The following PRTG variants were observed in gnomAD, a reference collection of about 807,000 sequenced individuals.
The protein encoded by PRTG is protogenin.
In PRTG, 67 loss-of-function variants were observed where a neutral mutation model predicts 122.5. The observed-to-expected ratio is 0.55, with a 90% confidence interval of 0.45 to 0.67. PRTG has a LOEUF of 0.67. PRTG is among the 30% of genes least tolerant of loss of function. PRTG has a pLI of 0.00. For missense variants in PRTG, 1,435 were observed against 1,415.4 expected, an observed-to-expected ratio of 1.01 and a Z score of -0.22; for synonymous variants, 554 against 501.1, an observed-to-expected ratio of 1.11 and a Z score of -1.41.
chr15:55,637,762 A>T (rs903456936), intron 14 of PRTG, among the ~76,000 whole-genome samples: 1 of 152,128 alleles, frequency 6.6e-6, no homozygotes, highest in African/African-American at 2.4e-5. Context: ...CCTGACATTA[A>T]AACATTTAGT....
At chr15:55,668,935 C>A (rs1054731227) in intron 11 of PRTG, among the ~76,000 whole-genome samples, 1 of 152,018 alleles carries the variant, frequency 6.6e-6, no homozygotes, top group Non-Finnish European at 1.5e-5. Context: ...TTGGAAAAAT[C>A]GTCAATTTAA....
At chr15:55,651,856 C>T (rs1191687390) in intron 11 of PRTG, among the ~76,000 whole-genome samples, 1 of 152,106 alleles carries the variant, frequency 6.6e-6, no homozygotes, top group African/African-American at 2.4e-5. Flanking sequence ...GACTCCACCT[C>T]CAACACTATT....
intron 16 of PRTG, among the ~76,000 whole-genome samples, chr15:55,627,631 C>T (rs1462204814): frequency 2.0e-5 from 3 of 151,920 alleles, no homozygotes; most frequent in South Asian, 2.1e-4. Flanking sequence ...TGAGCCACCA[C>T]GCCCGGCCCA....
intron 19 of PRTG, among the ~76,000 whole-genome samples, 163 bp downstream of exon 19, chr15:55,620,500 C>G (rs1003471251): frequency 2.6e-5 from 4 of 152,208 alleles, no homozygotes; most frequent in East Asian, 1.9e-4. Flanking sequence ...CTTCTGTTAT[C>G]ATTCACCTCG....
intron 2 of PRTG, among the ~76,000 whole-genome samples, chr15:55,691,329 T>G (rs1285524161): frequency 1.3e-5 from 2 of 148,946 alleles, no homozygotes; most frequent in Non-Finnish European, 3.0e-5. Flanking sequence ...CAGGTTCTAC[T>G]CCTAAGCAAT....
intron 11 of PRTG, among the ~76,000 whole-genome samples, chr15:55,652,108 G>T (rs1425867721): frequency 6.6e-6 from 1 of 152,120 alleles, no homozygotes; most frequent in African/African-American, 2.4e-5. Flanking sequence ...ACTTTAAATT[G>T]TTTACTTAAA....
At chr15:55,724,702 G>A (rs2030961264) in intron 2 of PRTG, among the ~76,000 whole-genome samples, 1 of 152,070 alleles carries the variant, frequency 6.6e-6, no homozygotes, top group South Asian at 2.1e-4. Flanking sequence ...AGGTTGCGGT[G>A]AGCCAAGATC....
chr15:55,677,094 GA>G (rs1352422907), intron 8 of PRTG, among the ~76,000 whole-genome samples: 1 of 152,070 alleles, frequency 6.6e-6, no homozygotes, highest in Non-Finnish European at 1.5e-5. Flanking sequence ...GAAAAAGCAA[GA>G]GAGAAATTTC....
intron 2 of PRTG, among the ~76,000 whole-genome samples, chr15:55,696,266 A>T (rs1463758049): frequency 6.6e-6 from 1 of 152,198 alleles, no homozygotes; most frequent in African/African-American, 2.4e-5. Context: ...GTTTCTTAAA[A>T]AAAGAACACG....
chr15:55,730,110 CT>C (rs1217117206), intron 2 of PRTG, among the ~76,000 whole-genome samples: 5 of 151,420 alleles, frequency 3.3e-5, no homozygotes, highest in African/African-American at 1.2e-4. Flanking sequence ...AGCGTTGTTA[CT>C]TTTTTTTTGA....
chr15:55,721,127 C>A (rs1409601932), intron 2 of PRTG, among the ~76,000 whole-genome samples: 1 of 152,224 alleles, frequency 6.6e-6, no homozygotes, highest in Non-Finnish European at 1.5e-5. Flanking sequence ...TTTTCCCTCT[C>A]CCTGATTCCC....
At chr15:55,682,857 C>T (rs527714104) in intron 3 of PRTG, among the ~76,000 whole-genome samples, 17 of 152,214 alleles carry the variant, frequency 1.1e-4, no homozygotes, top group East Asian at 1.9e-4. Context: ...GCCACCGTGC[C>T]GGGCTTAGAC....
At chr15:55,673,245 G>T (rs922429813) in intron 10 of PRTG, 126 bp downstream of exon 10, 3 of 724,184 alleles carry the variant, frequency 4.1e-6, no homozygotes, top group Non-Finnish European at 6.6e-6. Flanking sequence ...TTTCAATTAA[G>T]TCCATCATCT....
chr15:55,702,710 T>C (rs2029937796), intron 2 of PRTG, among the ~76,000 whole-genome samples: 1 of 152,224 alleles, frequency 6.6e-6, no homozygotes, highest in Admixed American at 6.5e-5. Context: ...CCTATTCCTA[T>C]TCTTCTACCT....
chr15:55,735,754 G>GA (rs1424533425), intron 2 of PRTG, among the ~76,000 whole-genome samples: 2 of 134,198 alleles, frequency 1.5e-5, no homozygotes, highest in African/African-American at 5.6e-5. Flanking sequence ...CACCAACTTT[G>GA]AAAAAAAGTG....
chr15:55,631,241 A>C (rs983422505), intron 15 of PRTG, among the ~76,000 whole-genome samples: 1 of 152,238 alleles, frequency 6.6e-6, no homozygotes, highest in African/African-American at 2.4e-5. Flanking sequence ...GAATTAAAAA[A>C]ACAAAGATGT....
At chr15:55,698,823 T>C (rs2059645932) in intron 2 of PRTG, among the ~76,000 whole-genome samples, 1 of 150,260 alleles carries the variant, frequency 6.7e-6, no homozygotes, top group African/African-American at 2.5e-5. Context: ...TCGTGAATCA[T>C]GCTCATAGAA....
rs1365245182 is a variant in PRTG, at chr15:55,673,570, C to G, written c.1653G>C (p.Leu551=). 4.3e-6 allele frequency: 7 copies of G among 1,614,196 alleles called. No individual in the cohort carries two copies. The East Asian group carries it at 1.3e-4, about 31-fold the overall frequency. The change falls in exon 10 of 20, where the codon CTG becomes CTC. Residue 551 remains leucine (L), a synonymous_variant. Coordinates refer to ENST00000389286, the MANE Select transcript of PRTG (RefSeq NM_173814.6). ...TACTTAGGCGGAAAGACAAGCGATA[C>G]AGCACCACTTGGCCCCGCCGATATT... ...PAKYRRGQVV[L]YRLSFRLSTE...
chr15:55,732,439 G>C (rs2031265806), intron 2 of PRTG, among the ~76,000 whole-genome samples: 1 of 150,704 alleles, frequency 6.6e-6, no homozygotes, highest in Non-Finnish European at 1.5e-5. Context: ...CCTGCCTCAG[G>C]CTTCCAGAGT....
Sources: allele counts gnomAD v4.1 joint callset (sites outside exome capture counted in the v4.1 genomes callset), GRCh38; gene constraint gnomAD v4.1.1; transcripts MANE v1.5; gene names NCBI Gene and HGNC (gene_info 2026-07-23, HGNC 2026-07-21).